The following ATP7A variants were observed in gnomAD, a reference collection of about 807,000 sequenced individuals.
ATP7A encodes copper-transporting ATPase 1.
A neutral mutation model predicts 83.5 loss-of-function variants in ATP7A; 7 were observed. The ratio of observed to expected loss-of-function variants is 0.08; its 90% CI spans 0.05 to 0.16. The LOEUF is 0.16. ATP7A is among the 10% of genes least tolerant of loss of function. The pLI is 1.00. For missense variants in ATP7A, 940 were observed against 1,120.8 expected, an observed-to-expected ratio of 0.84 and a Z score of 2.30; for synonymous variants, 354 against 395.2, an observed-to-expected ratio of 0.90 and a Z score of 1.24.
chrX:78,014,192 G>A (rs940781670), intron 10 of ATP7A, among the ~76,000 whole-genome samples: 3 of 110,172 alleles, frequency 2.7e-5, no homozygotes, highest in Non-Finnish European at 5.7e-5. Flanking sequence ...TGGATCACGA[G>A]GTCAGGAGTT....
chrX:78,029,737 A>G (rs896662961), intron 15 of ATP7A, among the ~76,000 whole-genome samples: 2 of 111,982 alleles, frequency 1.8e-5, no homozygotes, highest in Non-Finnish European at 3.8e-5. Flanking sequence ...TGGCAGAAAG[A>G]CAGAATAGGT....
intron 2 of ATP7A, among the ~76,000 whole-genome samples, chrX:77,977,135 A>G (rs1414274170): frequency 1.8e-5 from 2 of 112,372 alleles, no homozygotes; most frequent in Non-Finnish European, 3.8e-5. Flanking sequence ...CAGTTTGTTG[A>G]TTAGTAAAGA....
chrX:77,970,849 C>A (rs1271647145), intron 1 of ATP7A, among the ~76,000 whole-genome samples: 3 of 111,575 alleles, frequency 2.7e-5, no homozygotes, highest in African/African-American at 9.8e-5. Flanking sequence ...AAGCAATAAA[C>A]AGAATAAATC....
intron 5 of ATP7A, among the ~76,000 whole-genome samples, chrX:78,002,860 A>G (rs2077749926): frequency 9.1e-6 from 1 of 109,328 alleles, no homozygotes; most frequent in African/African-American, 3.3e-5. Context: ...GAAAATTTCC[A>G]TAATAAAAAG....
intron 5 of ATP7A, among the ~76,000 whole-genome samples, chrX:77,999,711 C>T (rs1420726670): frequency 2.7e-5 from 3 of 110,797 alleles, no homozygotes; most frequent in African/African-American, 9.9e-5. Context: ...CAAGACCAGC[C>T]GGGCCAACAT....
At position 77,955,496 on chromosome X, in the gene ATP7A, A is replaced by G. The variant is rs1361815500; in HGVS notation, c.-21-16125A>G. On this transcript the variant is annotated intron_variant, in intron 1 of 22. Coordinates refer to ENST00000341514, the MANE Select transcript of ATP7A (RefSeq NM_000052.7). ...TGATACATAAAAATACTTCTAGTTCATTTGTTTTTAAAATTATTTTGTGGC... is the reference window on the plus strand; with the variant it reads ...TGATACATAAAAATACTTCTAGTTCGTTTGTTTTTAAAATTATTTTGTGGC... 2.7e-5 allele frequency among the ~76,000 whole-genome samples: 3 copies of G among 111,626 alleles called. No homozygotes were observed. In the Admixed American group the frequency reaches 2.9e-4, roughly 11 times the overall value.
intron 17 of ATP7A, among the ~76,000 whole-genome samples, chrX:78,037,980 GTTTT>G (rs782643561): frequency 2.0e-4 from 10 of 51,198 alleles, no homozygotes; most frequent in Non-Finnish European, 2.2e-4. Context: ...ATCAAGAAAG[GTTTT>G]TTTTTTTTTT....
intron 6 of ATP7A, among the ~76,000 whole-genome samples, chrX:78,005,683 C>CAAAAAAAAAAAAAAAA (rs1218646073): frequency 5.8e-4 from 8 of 13,698 alleles, no homozygotes; most frequent in African/African-American, 1.2e-3. Context: ...AACTCCATCT[C>CAAAAAAAAAAAAAAAA]AAAAAAAAAA....
intron 1 of ATP7A, among the ~76,000 whole-genome samples, chrX:77,958,440 T>C (rs1277479688): frequency 8.9e-6 from 1 of 111,840 alleles, no homozygotes; most frequent in Non-Finnish European, 1.9e-5. Flanking sequence ...GGCTCTATTC[T>C]GTTCCATTGT....
intron 12 of ATP7A, among the ~76,000 whole-genome samples, chrX:78,018,219 G>C (rs1278363467): frequency 9.2e-6 from 1 of 108,529 alleles, no homozygotes; most frequent in African/African-American, 3.3e-5. Flanking sequence ...CATTCAACAA[G>C]TTTGGCTGGG....
intron 8 of ATP7A, 53 bp from the exon 9 acceptor site, chrX:78,011,395 AC>A: frequency 9.2e-7 from 1 of 1,086,062 alleles, no homozygotes; most frequent in Admixed American, 2.2e-5. Flanking sequence ...TAGAATCTTT[AC>A]CCATTAGCTA....
Position 78,011,624 on chromosome X carries a change from G to C in ATP7A, c.2122G>C (p.Gly708Arg). 8.3e-7 allele frequency: 1 copy of C among 1,211,266 alleles called. No individual in the cohort carries two copies. Among genetic ancestry groups the C allele is most frequent in the South Asian group, 1.8e-5 (1 of 56,982 alleles). The change falls in exon 9 of 23, where the codon GGA (glycine) becomes CGA (arginine). Residue 708 changes from glycine (G) to arginine (R), a missense_variant. Coordinates refer to ENST00000341514, the MANE Select transcript of ATP7A (RefSeq NM_000052.7). ...SMFLERQILP[G>R]LSVMNLLSFL... ...GTTCCTGGAGCGCCAGATTCTTCCA[G>C]GATTGTCTGTTATGAATTTGCTGTC...
chrX:77,997,488 T>A (rs1452046510), intron 4 of ATP7A, among the ~76,000 whole-genome samples: 2 of 112,474 alleles, frequency 1.8e-5, no homozygotes, highest in Non-Finnish European at 3.8e-5. Context: ...GGTTCCTTTG[T>A]CTGCTAGCTA....
At chrX:78,016,330 A>G (rs1440335545) in intron 12 of ATP7A, among the ~76,000 whole-genome samples, 1 of 110,868 alleles carries the variant, frequency 9.0e-6, no homozygotes, top group Non-Finnish European at 1.9e-5. Context: ...CCATGATTCA[A>G]TCACCTCCCC....
Position 77,969,561 on chromosome X carries a change from G to C in ATP7A, c.-21-2060G>C, listed in dbSNP as rs782554634. ...GGCCCGCCGGGCTCAGATCGGCGTC[G>C]TACCAGCAGCTGAAGCGGTTCTCCA... On this transcript the variant is annotated intron_variant, in intron 1 of 22. Coordinates refer to ENST00000341514, the MANE Select transcript of ATP7A (RefSeq NM_000052.7). 14 of 1,210,303 alleles carry C rather than the reference G, an allele frequency of 1.2e-5. No homozygotes were observed. In the African/African-American group the frequency reaches 1.4e-4, roughly 12 times the overall value.
chrX:77,919,720 T>C (rs1331453527), intron 1 of ATP7A, among the ~76,000 whole-genome samples: 1 of 112,377 alleles, frequency 8.9e-6, no homozygotes, highest in Non-Finnish European at 1.9e-5. Context: ...GCTCCTGACC[T>C]CAAATGATCC....
intron 1 of ATP7A, among the ~76,000 whole-genome samples, chrX:77,958,181 C>T (rs2077455652): frequency 9.0e-6 from 1 of 111,190 alleles, no homozygotes; most frequent in Non-Finnish European, 1.9e-5. Flanking sequence ...CATTCTCTTG[C>T]CATGTGACAT....
intron 14 of ATP7A, among the ~76,000 whole-genome samples, chrX:78,021,585 C>G (rs899994992): frequency 8.9e-6 from 1 of 111,791 alleles, no homozygotes; most frequent in Non-Finnish European, 1.9e-5. Flanking sequence ...AGTGTCTACT[C>G]ATCTAGTTCT....
chrX:78,014,620 T>C, intron 10 of ATP7A, 42 bp from the exon 11 acceptor site: 2 of 1,075,340 alleles, frequency 1.9e-6, no homozygotes, highest in African/African-American at 1.8e-5. Context: ...ACCTGAACTT[T>C]TTCTTCCTTA....
Sources: gnomAD v4.1 joint callset for allele counts (sites outside exome capture counted in the v4.1 genomes callset) on GRCh38, gnomAD v4.1.1 for gene constraint, MANE v1.5 for transcripts, NCBI Gene and HGNC (gene_info 2026-07-23, HGNC 2026-07-21) for gene names.